NCAPD3: variants seen among roughly 807,000 people sequenced by gnomAD.
The protein encoded by NCAPD3 is condensin-2 complex subunit D3.
NCAPD3 carries 105 observed loss-of-function variants against 182.9 expected under a neutral mutation model. The observed-to-expected ratio is 0.57, with a 90% CI of 0.49 to 0.68. NCAPD3 has a LOEUF of 0.68. Ranked by LOEUF, NCAPD3 falls within the 30% of genes least tolerant of loss-of-function variation. The pLI, the probability that NCAPD3 is intolerant of heterozygous loss-of-function variation, is 0.00. For synonymous variants in NCAPD3, 815 were observed against 679.9 expected, an observed-to-expected ratio of 1.20 and a Z score of -3.09; for missense variants, 1,944 against 1,837.0, an observed-to-expected ratio of 1.06 and a Z score of -1.07.
Position 134,165,271 on chromosome 11 carries a change from G to T in NCAPD3, c.3573+2725C>A, listed in dbSNP as rs1157619770. 2.0e-5 allele frequency among the ~76,000 whole-genome samples: 3 copies of T among 146,798 alleles called. No homozygotes were observed. The East Asian group carries it at 6.5e-4, about 32-fold the overall frequency. On this transcript the variant is annotated intron_variant, in intron 27 of 34. Coordinates refer to ENST00000534548, the MANE Select transcript of NCAPD3 (RefSeq NM_015261.3). ...TTGTGAGATAAGCTGAGGGGGAGCT[G>T]CACACTCGCTTGTGAGATGAACTTA... is the stretch of plus-strand genomic sequence containing the variant.
At chr11:134,174,264 T>TC (rs1944100159) in intron 24 of NCAPD3, among the ~76,000 whole-genome samples, 1 of 150,538 alleles carries the variant, frequency 6.6e-6, no homozygotes, top group Non-Finnish European at 1.5e-5. Flanking sequence ...GCACCTGTAG[T>TC]CCGAGTTATC....
At chr11:134,155,711 A>T (rs1326312841) in intron 32 of NCAPD3, among the ~76,000 whole-genome samples, 1 of 152,204 alleles carries the variant, frequency 6.6e-6, no homozygotes, top group Non-Finnish European at 1.5e-5. Context: ...CCTCACTGCC[A>T]AAATAGAAGC....
At chr11:134,177,189 G>A in intron 23 of NCAPD3, 30 bp downstream of exon 23, 1 of 1,518,658 alleles carries the variant, frequency 6.6e-7, no homozygotes, top group Non-Finnish European at 9.1e-7. Flanking sequence ...ATGGTGAAGG[G>A]GAAAGGACAG....
At chr11:134,206,571 G>A (rs781444674) in intron 8 of NCAPD3, 28 bp downstream of exon 8, 44 of 1,612,404 alleles carry the variant, frequency 2.7e-5, no homozygotes, top group Non-Finnish European at 3.6e-5. Flanking sequence ...GACTGACAGG[G>A]TGAAAATTCA....
chr11:134,164,556 A>T (rs533696192), intron 27 of NCAPD3, among the ~76,000 whole-genome samples: 1 of 150,184 alleles, frequency 6.7e-6, no homozygotes, highest in Non-Finnish European at 1.5e-5. Flanking sequence ...TCACTTGTGA[A>T]ATGAGCTTAG....
rs1036802495 is a variant in NCAPD3 at position 134,153,573 on chromosome 11, C to T, written c.4253-210G>A. On this transcript the variant is annotated intron_variant, in intron 32 of 34. Transcript: ENST00000534548. ...CGTCTCTCTGACCCCCTTCTCTGAC[C>T]CGCAGCCCTCAGGCACTCGGCTGGC... The T allele has an allele frequency of 6.7e-6, 4 of 595,924 alleles. No individual in the cohort carries two copies. The Admixed American group carries it at 1.1e-4, about 17-fold the overall frequency. The allele number at this position is 595,924 out of a possible 1,614,324, so 36.9% of individuals were successfully genotyped here.
chr11:134,163,466 G>A (rs545457589), intron 27 of NCAPD3, among the ~76,000 whole-genome samples: 11 of 152,040 alleles, frequency 7.2e-5, no homozygotes, highest in Non-Finnish European at 1.3e-4. Flanking sequence ...TTGGAAGGCC[G>A]AGGCGGGCAG....
At chr11:134,177,751 A>C in intron 22 of NCAPD3, 2 of 378,694 alleles carry the variant, frequency 5.3e-6, no homozygotes, top group Non-Finnish European at 4.8e-6. Flanking sequence ...TTATCCCCTT[A>C]CCTGGAAAAT....
At chr11:134,187,085 CCCAG>C (rs1265245806) in intron 16 of NCAPD3, among the ~76,000 whole-genome samples, 2 of 152,174 alleles carry the variant, frequency 1.3e-5, no homozygotes, top group African/African-American at 4.8e-5. Context: ...GCCCTCCACT[CCCAG>C]CCAGCCTCCC....
rs746992785 is a variant in NCAPD3 at position 134,192,689 on chromosome 11, C to T, written c.2045G>A (p.Ser682Asn). 3 of 1,612,748 alleles carry T rather than the reference C, an allele frequency of 1.9e-6. No homozygotes were observed. The highest frequency in any genetic ancestry group is 2.5e-6 in the Non-Finnish European group (3 of 1,178,744). The change falls in exon 16 of 35, where the codon AGC (serine) becomes AAC (asparagine). Residue 682 changes from serine (S) to asparagine (N), a missense_variant and splice_region_variant. Physicochemically the swap from Ser to Asn is conservative, Grantham distance 46 (BLOSUM62 1). Coordinates refer to ENST00000534548, the MANE Select transcript of NCAPD3 (RefSeq NM_015261.3). The stretch of plus-strand genomic sequence containing the variant: ...AACACAGGTCATACAGTTAACCTAC[C>T]TCAGTTCCTGGCTTTCGGTGGTGAG... ...TLLTTESQEL[S>N]RYLNKAFHIW...
chr11:134,182,075 A>G (rs969703799), intron 19 of NCAPD3, among the ~76,000 whole-genome samples: 2 of 152,204 alleles, frequency 1.3e-5, no homozygotes, highest in African/African-American at 2.4e-5. Flanking sequence ...TAGATTGCAC[A>G]ACCTGGACCA....
Position 134,210,398 on chromosome 11 carries a change from G to A in NCAPD3, c.439C>T (p.Leu147=). Residue 147 remains leucine (L), a synonymous_variant, in exon 4 of 35, where the codon CTA becomes TTA. Coordinates refer to ENST00000534548, the MANE Select transcript of NCAPD3 (RefSeq NM_015261.3). Reference sequence around the variant, plus strand: ...GATTCCTGGGGCCAGCTCTTCTTTAGAGTCTGAATGCATTTGTCAAACATC... The same window carrying A: ...GATTCCTGGGGCCAGCTCTTCTTTAAAGTCTGAATGCATTTGTCAAACATC... ...PVMFDKCIQT[L]KKSWPQESNL... is the part of the protein sequence containing the mutation. 1 of 1,614,152 alleles carries A rather than the reference G, an allele frequency of 6.2e-7. No individual in the cohort carries two copies. The highest frequency in any genetic ancestry group is 1.3e-5 in the African/African-American group (1 of 75,042).
intron 28 of NCAPD3, among the ~76,000 whole-genome samples, chr11:134,160,649 A>C (rs1364608960): frequency 6.6e-6 from 1 of 152,206 alleles, no homozygotes; most frequent in Non-Finnish European, 1.5e-5. Context: ...TTAGGTCTTA[A>C]AGAGGGGTGC....
At chr11:134,214,671 T>C (rs1937953492) in intron 3 of NCAPD3, among the ~76,000 whole-genome samples, 1 of 152,060 alleles carries the variant, frequency 6.6e-6, no homozygotes, top group Non-Finnish European at 1.5e-5. Flanking sequence ...TCTAGATTGA[T>C]CAAGAAAAAA....
intron 27 of NCAPD3, among the ~76,000 whole-genome samples, chr11:134,164,746 C>A (rs1371868689): frequency 6.6e-6 from 1 of 151,060 alleles, no homozygotes; most frequent in East Asian, 2.0e-4. Flanking sequence ...GGGAGCTTCA[C>A]ACTCACTTGT....
chr11:134,158,204 T>A, intron 30 of NCAPD3, 125 bp downstream of exon 30: 1 of 1,519,912 alleles, frequency 6.6e-7, no homozygotes, highest in Non-Finnish European at 9.0e-7. Flanking sequence ...GGGCACAGTG[T>A]GGAGCGGGGT....
At chr11:134,153,959 A>T (rs192937790) in intron 32 of NCAPD3, 271 of 156,720 alleles carry the variant, frequency 1.7e-3, no homozygotes, top group Non-Finnish European at 2.7e-3. Context: ...CCTACCCGCA[A>T]TGAACCCCCT....
chr11:134,217,099 C>A lies in NCAPD3; in HGVS notation c.220-1G>T. 2 of 1,579,298 alleles carry A rather than the reference C, an allele frequency of 1.3e-6. No individual in the cohort carries two copies. The highest frequency in any genetic ancestry group is 1.7e-6 in the Non-Finnish European group (2 of 1,165,740). ...TCTCAATGAAGAAGGTCCAGATACTCTGTGGGGAGACCGCAAATCACAAAA... is the reference window on the plus strand; with the variant it reads ...TCTCAATGAAGAAGGTCCAGATACTATGTGGGGAGACCGCAAATCACAAAA... On this transcript the variant is annotated splice_acceptor_variant, in intron 2 of 34. Transcript: ENST00000534548. LOFTEE classifies it high-confidence loss of function.
At chr11:134,164,264 G>C (rs1036233814) in intron 27 of NCAPD3, among the ~76,000 whole-genome samples, 1 of 152,230 alleles carries the variant, frequency 6.6e-6, no homozygotes, top group Non-Finnish European at 1.5e-5. Flanking sequence ...CAGTCTGCAA[G>C]AGCACCATAA....
Sources: allele counts gnomAD v4.1 joint callset (sites outside exome capture counted in the v4.1 genomes callset), GRCh38; gene constraint gnomAD v4.1.1; transcripts MANE v1.5; gene names NCBI Gene and HGNC (gene_info 2026-07-23, HGNC 2026-07-21).